Variants in AGMO observed in about 807,000 individuals in gnomAD.
AGMO encodes the protein alkylglycerol monooxygenase.
AGMO carries 75 observed loss-of-function variants against 60.2 expected under a neutral mutation model. The ratio of observed to expected loss-of-function variants is 1.25; its 90% CI spans 1.03 to 1.51. The LOEUF is 1.51. AGMO is among the 40% of genes most tolerant of loss of function. The probability of loss-of-function intolerance (pLI) is 0.00; values close to 1 mark genes in which losing one functional copy is unlikely to be tolerated. For missense variants in AGMO, 763 were observed against 525.5 expected (o/e 1.45, Z -4.42); for synonymous variants, 261 against 177.1 (o/e 1.47, Z -3.76).
At chr7:15,278,509 G>A (rs1181689229) in intron 12 of AGMO, among the ~76,000 whole-genome samples, 1 of 152,040 alleles carries the variant, frequency 6.6e-6, no homozygotes, top group African/African-American at 2.4e-5. Context: ...AGGGATGGGT[G>A]ACTGGCCTCT....
chr7:15,203,957 T>G (rs186933560), intron 12 of AGMO, among the ~76,000 whole-genome samples: 5 of 152,290 alleles, frequency 3.3e-5, no homozygotes, highest in African/African-American at 9.6e-5. Context: ...TCTGAGACCT[T>G]TTCACTATCA....
At chr7:15,468,756 G>A in intron 3 of AGMO, among the ~76,000 whole-genome samples, 1 of 152,054 alleles carries the variant, frequency 6.6e-6, no homozygotes, top group East Asian at 1.9e-4. Flanking sequence ...AAGAGGTTAT[G>A]TTTGACTTGC....
chr7:15,251,241 A>C (rs1429416840), intron 12 of AGMO, among the ~76,000 whole-genome samples: 1 of 152,092 alleles, frequency 6.6e-6, no homozygotes, highest in African/African-American at 2.4e-5. Context: ...TATACACATG[A>C]CCAATATGAG....
the AGMO span, among the ~76,000 whole-genome samples, chr7:15,190,814 G>C: frequency 4.6e-5 from 7 of 152,004 alleles, no homozygotes; most frequent in Non-Finnish European, 7.4e-5. Context: ...AAGGAACACA[G>C]ACTTGATCTG....
At chr7:15,172,778 G>A in the AGMO span, among the ~76,000 whole-genome samples, 1 of 152,140 alleles carries the variant, frequency 6.6e-6, no homozygotes, top group Non-Finnish European at 1.5e-5. Context: ...GGTGAAGTGT[G>A]AAGTAAAGAA....
At chr7:15,347,936 C>A (rs1782093285) in intron 12 of AGMO, among the ~76,000 whole-genome samples, 1 of 151,992 alleles carries the variant, frequency 6.6e-6, no homozygotes, top group South Asian at 2.1e-4. Context: ...ATCTTTATGT[C>A]AAAAGCAACT....
chr7:15,323,771 G>A (rs1781254140), intron 12 of AGMO, among the ~76,000 whole-genome samples: 1 of 152,060 alleles, frequency 6.6e-6, no homozygotes, highest in Non-Finnish European at 1.5e-5. Context: ...AAAGCCTCGT[G>A]GTATTGTGCT....
intron 2 of AGMO, 114 bp from the exon 3 acceptor site, chr7:15,545,037 T>C: frequency 1.4e-6 from 1 of 718,874 alleles, no homozygotes. Flanking sequence ...AATGAAACTC[T>C]TTCTTCTACT....
intron 12 of AGMO, among the ~76,000 whole-genome samples, chr7:15,233,713 C>T (rs565078158): frequency 1.3e-5 from 2 of 152,232 alleles, no homozygotes; most frequent in South Asian, 4.1e-4. Context: ...TGTAGTTGGG[C>T]ACATCACAAA....
chr7:15,220,446 G>A (rs973298189), intron 12 of AGMO, among the ~76,000 whole-genome samples: 2 of 151,114 alleles, frequency 1.3e-5, no homozygotes, highest in Non-Finnish European at 2.9e-5. Flanking sequence ...CTCGAACTCT[G>A]AGCTCAGGCA....
chr7:15,560,083 C>T, intron 2 of AGMO, 58 bp downstream of exon 2: 1 of 1,428,330 alleles, frequency 7.0e-7, no homozygotes, highest in Non-Finnish European at 9.3e-7. Context: ...GTTCCTTTGC[C>T]CCTCATACTT....
chr7:15,127,164 AC>A, the AGMO span, among the ~76,000 whole-genome samples: 1 of 152,178 alleles, frequency 6.6e-6, no homozygotes, highest in Middle Eastern at 3.4e-3. Flanking sequence ...ACCAAGCCGT[AC>A]CCTGACCACC....
the AGMO span, among the ~76,000 whole-genome samples, chr7:15,118,209 C>CAA: frequency 6.7e-6 from 1 of 149,368 alleles, no homozygotes; most frequent in Non-Finnish European, 1.5e-5. Context: ...CACACACACA[C>CAA]ATATATACAA....
chr7:15,546,693 G>A (rs1299483888), intron 2 of AGMO, among the ~76,000 whole-genome samples: 1 of 152,232 alleles, frequency 6.6e-6, no homozygotes, highest in Non-Finnish European at 1.5e-5. Context: ...TTCCCAAAGT[G>A]TTGTGGAAAC....
intron 5 of AGMO, among the ~76,000 whole-genome samples, chr7:15,417,766 T>G (rs1353830587): frequency 6.6e-6 from 1 of 152,174 alleles, no homozygotes; most frequent in African/African-American, 2.4e-5. Context: ...AGATTTCACA[T>G]ATAATGCAGC....
chr7:15,354,119 G>A lies in AGMO; in HGVS notation c.1263+11395C>T, dbSNP rs112883071. Among the ~76,000 whole-genome samples, 548 of 151,478 alleles carry A rather than the reference G, an allele frequency of 3.6e-3. 2 individuals carry two copies. Among genetic ancestry groups the A allele is most frequent in the African/African-American group, 0.012 (511 of 41,332 alleles). Reference sequence around the variant, plus strand: ...AAAGAAAAAGTGACCATTTTTAGAAGGAATACAGGAAGAGGACAATGTTTT... The same window carrying A: ...AAAGAAAAAGTGACCATTTTTAGAAAGAATACAGGAAGAGGACAATGTTTT... On this transcript the variant is annotated intron_variant, in intron 12 of 12. Coordinates refer to ENST00000342526, the MANE Select transcript of AGMO (RefSeq NM_001004320.2).
chr7:15,278,246 G>C (rs1047824048), intron 12 of AGMO, among the ~76,000 whole-genome samples: 7 of 152,144 alleles, frequency 4.6e-5, no homozygotes, highest in African/African-American at 7.2e-5. Context: ...CAGAAGGGGA[G>C]TGACTTTACC....
chr7:15,333,609 A>G (rs1446606371), intron 12 of AGMO, among the ~76,000 whole-genome samples: 1 of 151,260 alleles, frequency 6.6e-6, no homozygotes, highest in Non-Finnish European at 1.5e-5. Flanking sequence ...ATTTAAAAAA[A>G]AAAAAAAAAG....
At chr7:15,552,618 G>T (rs1045052267) in intron 2 of AGMO, among the ~76,000 whole-genome samples, 5 of 148,670 alleles carry the variant, frequency 3.4e-5, no homozygotes, top group African/African-American at 1.2e-4. Flanking sequence ...AAACCACAGT[G>T]AGATACCATC....
Sources: gnomAD v4.1 joint callset for allele counts (sites outside exome capture counted in the v4.1 genomes callset) on GRCh38, gnomAD v4.1.1 for gene constraint, MANE v1.5 for transcripts, NCBI Gene and HGNC (gene_info 2026-07-23, HGNC 2026-07-21) for gene names.